The following TMEM94 variants were observed in gnomAD, a reference collection of about 807,000 sequenced individuals.
The protein encoded by TMEM94 is transmembrane protein 94, also known as ER Mg2+ ATPase.
Under a neutral mutation model 158.6 loss-of-function variants are expected in TMEM94, and 81 were observed. The ratio of observed to expected loss-of-function variants is 0.51; its 90% CI spans 0.43 to 0.61. TMEM94 has a LOEUF of 0.61. TMEM94 is among the 20% of genes least tolerant of loss of function. TMEM94 has a pLI of 0.00. For missense variants in TMEM94, 1,435 were observed against 1,762.0 expected (o/e 0.81, Z 3.32); for synonymous variants, 751 against 730.7 (o/e 1.03, Z -0.45).
At position 75,492,862 on chromosome 17, in the gene TMEM94, G is replaced by A. The variant is rs930981701; in HGVS notation, c.1913-67G>A. On this transcript the variant is annotated intron_variant, in intron 15 of 31. Transcript: ENST00000314256. This position sits in a 1 kb window ranked among gnomAD's most constrained non-coding sequence, Gnocchi z 4.4. ...AAGAGGCCCAGTACCAACTCCTCACGGGACTTAATGGACCTGGCAGGGTAT... is the reference window on the plus strand; with the variant it reads ...AAGAGGCCCAGTACCAACTCCTCACAGGACTTAATGGACCTGGCAGGGTAT... 2.3e-5 allele frequency: 36 copies of A among 1,583,012 alleles called. No individual in the cohort carries two copies. Among genetic ancestry groups the A allele is most frequent in the South Asian group, 5.8e-5 (5 of 86,886 alleles).
chr17:75,491,560 G>C lies in TMEM94; in HGVS notation c.1386+105G>C. On this transcript the variant is annotated intron_variant, in intron 13 of 31. Coordinates refer to ENST00000314256, the MANE Select transcript of TMEM94 (RefSeq NM_014738.6). The surrounding 1 kb of genome is among the most constrained non-coding windows in gnomAD (Gnocchi z 5.1). ...GTGAGGTTTCGGAGGGCGAAGGAGG[G>C]TTTGGGCACCATTAGGATCTGCTTC... 1.3e-6 allele frequency: 2 copies of C among 1,580,326 alleles called. No individual in the cohort carries two copies. Among genetic ancestry groups the C allele is most frequent in the Non-Finnish European group, 1.7e-6 (2 of 1,155,636 alleles).
intron 2 of TMEM94, chr17:75,476,731 C>T (rs2050710843): frequency 6.5e-7 from 1 of 1,535,614 alleles, no homozygotes; most frequent in African/African-American, 1.4e-5. Flanking sequence ...CCCATCAGGG[C>T]AAAGGCAACA....
At chr17:75,476,594 T>C in intron 2 of TMEM94, 1 of 1,508,110 alleles carries the variant, frequency 6.6e-7, no homozygotes, top group Non-Finnish European at 8.8e-7. Context: ...CCGTCTCTTC[T>C]CTCCTCTTCT....
intron 2 of TMEM94, among the ~76,000 whole-genome samples, chr17:75,472,442 T>C (rs2050535718): frequency 6.6e-6 from 1 of 152,206 alleles, no homozygotes; most frequent in Non-Finnish European, 1.5e-5. Flanking sequence ...TATACTATCT[T>C]TGGATGGAGG....
chr17:75,495,114 C>T lies in TMEM94; in HGVS notation c.2728+80C>T. 6.4e-7 allele frequency: 1 copy of T among 1,555,280 alleles called. No individual in the cohort carries two copies. The highest frequency in any genetic ancestry group is 2.3e-5 in the East Asian group (1 of 44,420). On this transcript the variant is annotated intron_variant, in intron 20 of 31. Coordinates refer to ENST00000314256, the MANE Select transcript of TMEM94 (RefSeq NM_014738.6). This position sits in a 1 kb window ranked among gnomAD's most constrained non-coding sequence, Gnocchi z 5.6. ...TCAGAGCCACAGCCAGGAAGAGCCT[C>T]CGGAGAGCCCTCCAGTTAAGTACAT...
In TMEM94 at chr17:75,492,022, C is replaced by T; in HGVS notation, c.1596+122C>T. ...GCGTCTCTGCCCTCTGTCCCAGCAC[C>T]TCCAGGCTAGGCCAGTGGTCCCTGA... On this transcript the variant is annotated intron_variant, in intron 14 of 31. Transcript: ENST00000314256. This position sits in a 1 kb window ranked among gnomAD's most constrained non-coding sequence, Gnocchi z 4.4. 1 of 1,064,632 alleles carries T rather than the reference C, an allele frequency of 9.4e-7. No homozygotes were observed. The highest frequency in any genetic ancestry group is 1.6e-5 in the South Asian group (1 of 64,412). The allele number at this position is 1,064,632 out of a possible 1,614,324, so 65.9% of individuals were successfully genotyped here. A position where few individuals can be genotyped will look rare whatever the true frequency, so the allele number is the denominator to read the frequency against.
In TMEM94 at chr17:75,491,462, G is replaced by A. The variant is rs1380740945; in HGVS notation, c.1386+7G>A. On this transcript the variant is annotated splice_region_variant and intron_variant, in intron 13 of 31. Transcript: ENST00000314256. This position sits in a 1 kb window ranked among gnomAD's most constrained non-coding sequence, Gnocchi z 5.1. ...CTCCTTCTGCCATCCCGAGGTAGAG[G>A]AGGAGGTACGGCCGGCTCCCATGGG... 3 of 1,614,046 alleles carry A rather than the reference G, an allele frequency of 1.9e-6. No homozygotes were observed. Among genetic ancestry groups the A allele is most frequent in the Non-Finnish European group, 2.5e-6 (3 of 1,180,026 alleles).
chr17:75,494,510 T>A, intron 18 of TMEM94, 117 bp from the exon 19 acceptor site: 1 of 943,972 alleles, frequency 1.1e-6, no homozygotes, highest in Non-Finnish European at 1.6e-6. Flanking sequence ...GTCTTGGCTG[T>A]GTGTGGTCCC....
Position 75,498,625 on chromosome 17 carries a change from C to G in TMEM94, c.3734-4C>G. 1.2e-6 allele frequency: 2 copies of G among 1,611,796 alleles called. No individual in the cohort carries two copies. The highest frequency in any genetic ancestry group is 1.7e-6 in the Non-Finnish European group (2 of 1,178,876). On this transcript the variant is annotated splice_polypyrimidine_tract_variant and splice_region_variant and intron_variant, in intron 29 of 31. Coordinates refer to ENST00000314256, the MANE Select transcript of TMEM94 (RefSeq NM_014738.6). The surrounding 1 kb of genome is among the most constrained non-coding windows in gnomAD (Gnocchi z 6.7). ...TGACCCCCACATCGCCCCACCTTCCCCAGTCTTCATTTCCATCACCCATGT... is the reference window on the plus strand; with the variant it reads ...TGACCCCCACATCGCCCCACCTTCCGCAGTCTTCATTTCCATCACCCATGT...
rs576442694 is a variant in TMEM94, at chr17:75,477,004, C to T, written c.24+5075C>T. ...GGACCCAAGCCTCCCAGGGGATACC[C>T]TGCCAAGGCATGTGAGGACCTGGGT... On this transcript the variant is annotated intron_variant, in intron 2 of 31. Coordinates refer to ENST00000314256, the MANE Select transcript of TMEM94 (RefSeq NM_014738.6). 8.5e-5 allele frequency among the ~76,000 whole-genome samples: 13 copies of T among 152,310 alleles called. No individual in the cohort carries two copies. In the East Asian group the frequency reaches 9.7e-4, roughly 11 times the overall value.
At position 75,461,093 on chromosome 17, in the gene TMEM94, C is replaced by CTT. The variant is rs59878082; in HGVS notation, c.-107+4364_-107+4365dup. Reference sequence around the variant, plus strand: ...ACAACATTTGTCCTTTTGCGATTGGCTTTTTTTTTTTTTTTTTTTTTTTGA... The same window carrying CTT: ...ACAACATTTGTCCTTTTGCGATTGGCTTTTTTTTTTTTTTTTTTTTTTTTTGA... On this transcript the variant is annotated intron_variant, in intron 1 of 31. Coordinates refer to ENST00000314256, the MANE Select transcript of TMEM94 (RefSeq NM_014738.6). Among the ~76,000 whole-genome samples the CTT allele has an allele frequency of 8.2e-3, 573 of 69,640 alleles. 2 individuals are homozygous for CTT. Among genetic ancestry groups the CTT allele is most frequent in the East Asian group, 0.014 (34 of 2,444 alleles). The allele number at this position is 69,640 out of a possible 152,430, so 45.7% of individuals were successfully genotyped here.
intron 2 of TMEM94, among the ~76,000 whole-genome samples, chr17:75,482,174 C>T (rs1283612680): frequency 6.6e-6 from 1 of 152,070 alleles, no homozygotes; most frequent in African/African-American, 2.4e-5. Context: ...GAAACTCGGT[C>T]TCTACTAAAA....
chr17:75,497,223 C>A (rs761353357), intron 26 of TMEM94, 25 bp downstream of exon 26: 2 of 1,584,978 alleles, frequency 1.3e-6, no homozygotes, highest in South Asian at 1.1e-5. Flanking sequence ...ATCTTCCCCA[C>A]ACCCCATGCC....
intron 1 of TMEM94, among the ~76,000 whole-genome samples, chr17:75,466,346 CAT>C (rs1249118888): frequency 6.6e-6 from 1 of 152,184 alleles, no homozygotes; most frequent in African/African-American, 2.4e-5. Flanking sequence ...ATCAGTACCA[CAT>C]GTTTTGATTA....
intron 2 of TMEM94, among the ~76,000 whole-genome samples, chr17:75,472,216 G>A (rs550429919): frequency 6.6e-6 from 1 of 152,230 alleles, no homozygotes; most frequent in Non-Finnish European, 1.5e-5. Flanking sequence ...TTGCCCAGGG[G>A]TGTGCAATTT....
intron 2 of TMEM94, chr17:75,476,770 C>T: frequency 6.5e-7 from 1 of 1,535,640 alleles, no homozygotes; most frequent in Non-Finnish European, 8.7e-7. Context: ...GGCTTTTACG[C>T]TTCTCTTTAA....
At chr17:75,464,603 T>TTTCTTTCC (rs2050221244) in intron 1 of TMEM94, among the ~76,000 whole-genome samples, 2 of 57,904 alleles carry the variant, frequency 3.5e-5, no homozygotes, top group Non-Finnish European at 8.7e-5. Flanking sequence ...TCTTTCTTTC[T>TTTCTTTCC]TTCCTTCCTT....
Position 75,492,141 on chromosome 17 carries a change from CA to C in TMEM94, c.1596+244del. On this transcript the variant is annotated intron_variant, in intron 14 of 31. Coordinates refer to ENST00000314256, the MANE Select transcript of TMEM94 (RefSeq NM_014738.6). The surrounding 1 kb of genome is among the most constrained non-coding windows in gnomAD (Gnocchi z 4.4). ...CACTGGTGTCCCTACTGGAACCTTC[CA>C]AATATACACAGCCCGGAGCTCCCTC... 4 of 906,060 alleles carry C rather than the reference CA, an allele frequency of 4.4e-6. No homozygotes were observed. The highest frequency in any genetic ancestry group is 6.5e-6 in the Non-Finnish European group (4 of 617,758). 56.1% of individuals were successfully genotyped at this position (906,060 alleles called of 1,614,324 possible).
intron 2 of TMEM94, chr17:75,476,555 G>A: frequency 6.9e-7 from 1 of 1,459,498 alleles, no homozygotes; most frequent in Non-Finnish European, 9.0e-7. Context: ...GCAGCACCCG[G>A]CTTCTTGCTC....
Sources: gnomAD v4.1 joint callset for allele counts (sites outside exome capture counted in the v4.1 genomes callset) on GRCh38, gnomAD v4.1.1 for gene constraint, Gnocchi (gnomAD v3.1) non-coding constraint, MANE v1.5 for transcripts, NCBI Gene and HGNC (gene_info 2026-07-23, HGNC 2026-07-21) for gene names.